Variants in BCR observed in about 807,000 individuals in gnomAD.
BCR encodes breakpoint cluster region protein.
A neutral mutation model predicts 138.6 loss-of-function variants in BCR; 58 were observed. The ratio of observed to expected loss-of-function variants is 0.42; its 90% confidence interval spans 0.34 to 0.52. The LOEUF is 0.52. Among genes scored for constraint, BCR ranks in the 20% least tolerant of loss-of-function variants. The pLI, the probability that BCR is intolerant of heterozygous loss-of-function variation, is 0.06. For missense variants in BCR, 1,599 were observed against 1,727.2 expected (o/e 0.93, Z 1.32); for synonymous variants, 786 against 730.1 (o/e 1.08, Z -1.23).
Position 23,295,056 on chromosome 22 carries a change from C to T in BCR, c.2913C>T (p.Thr971=), listed in dbSNP as rs1323745405. The T allele has an allele frequency of 4.3e-6, 7 of 1,614,000 alleles. No homozygotes were observed. The highest frequency in any genetic ancestry group is 5.9e-6 in the Non-Finnish European group (7 of 1,180,024). The change falls in exon 16 of 23, where the codon ACC becomes ACT. Residue 971 remains threonine (T), a synonymous_variant. Coordinates refer to ENST00000305877, the MANE Select transcript of BCR (RefSeq NM_004327.4). ...AGATAGAGCTGGAGGGCTCCCAGACCCTGAGGATACTGTGCTATGAAAAGT... is the reference window on the plus strand; with the variant it reads ...AGATAGAGCTGGAGGGCTCCCAGACTCTGAGGATACTGTGCTATGAAAAGT... The part of the protein sequence containing the change: ...EFEIELEGSQ[T]LRILCYEKCY...
chr22:23,314,258 C>T (rs1304302650), intron 21 of BCR, among the ~76,000 whole-genome samples, 185 bp downstream of exon 21: 1 of 152,190 alleles, frequency 6.6e-6, no homozygotes, highest in Non-Finnish European at 1.5e-5. Flanking sequence ...TGCCACCCTC[C>T]TCTCTCTGCA....
chr22:23,308,899 T>C (rs1183331721), intron 16 of BCR, among the ~76,000 whole-genome samples: 1 of 152,140 alleles, frequency 6.6e-6, no homozygotes. Context: ...CATCAGCTGC[T>C]TGATTTAGGG....
intron 2 of BCR, 69 bp downstream of exon 2, chr22:23,254,049 AG>A: frequency 1.3e-6 from 2 of 1,487,260 alleles, no homozygotes; most frequent in Non-Finnish European, 1.8e-6. Context: ...CCCCATGCTC[AG>A]GGGTATGTAG....
chr22:23,181,288 G>A lies in BCR; in HGVS notation c.328G>A (p.Ala110Thr). Reference sequence around the variant, plus strand: ...CGCCGACGGAGCCGACCCGCCGCCCGCCGAGGAGCCCGAGGCCCGGCCCGA... The same window carrying A: ...CGCCGACGGAGCCGACCCGCCGCCCACCGAGGAGCCCGAGGCCCGGCCCGA... ...APADGADPPP[A>T]EEPEARPDGE... The change falls in exon 1 of 23, where the codon GCC becomes ACC. Residue 110 changes from alanine to threonine, a missense_variant. Coordinates refer to ENST00000305877, the MANE Select transcript of BCR (RefSeq NM_004327.4). The A allele has an allele frequency of 2.3e-6, 3 of 1,306,378 alleles. No individual in the cohort carries two copies. The highest frequency in any genetic ancestry group is 2.4e-5 in the South Asian group (1 of 41,966). 80.9% of individuals were successfully genotyped at this position (1,306,378 alleles called of 1,614,324 possible).
At chr22:23,234,270 A>G (rs2072996695) in intron 1 of BCR, among the ~76,000 whole-genome samples, 1 of 152,138 alleles carries the variant, frequency 6.6e-6, no homozygotes. Flanking sequence ...TGTCACTCCC[A>G]AGTCCGAGGA....
At chr22:23,248,147 C>G (rs1362593393) in intron 1 of BCR, among the ~76,000 whole-genome samples, 2 of 152,040 alleles carry the variant, frequency 1.3e-5, no homozygotes, top group Non-Finnish European at 2.9e-5. Flanking sequence ...AGTTCCAGAC[C>G]AGCCTGGGCA....
chr22:23,193,476 T>G (rs997233865), intron 1 of BCR, among the ~76,000 whole-genome samples: 2 of 152,218 alleles, frequency 1.3e-5, no homozygotes, highest in Non-Finnish European at 2.9e-5. Flanking sequence ...GAACATCACT[T>G]AGCAAAAAAT....
chr22:23,256,935 A>G (rs2073301473), intron 2 of BCR, among the ~76,000 whole-genome samples: 3 of 152,024 alleles, frequency 2.0e-5, no homozygotes, highest in African/African-American at 7.3e-5. Context: ...GGGTCATGGT[A>G]GGAGGGCCTT....
chr22:23,285,055 A>G lies in BCR; in HGVS notation c.2260A>G (p.Lys754Glu), dbSNP rs2073695387. 1 of 1,613,934 alleles carries G rather than the reference A, an allele frequency of 6.2e-7. No homozygotes were observed. The highest frequency in any genetic ancestry group is 1.3e-5 in the African/African-American group (1 of 74,938). The change falls in exon 10 of 23, where the codon AAA becomes GAA. Residue 754 changes from lysine to glutamate, a missense_variant. By Grantham distance (56) the Lys-to-Glu change is moderately conservative. This residue lies in a region of BCR where 590 missense variants were observed against 762.4 expected (regional missense o/e 0.77). Transcript: ENST00000305877. ...SGGKTQQYDC[K>E]WYIPLTDLSF... Reference sequence around the variant, plus strand: ...CAGCAAAACGCAGCAGTATGACTGCAAATGGTACATTCCGCTCACGGATCT... The same window carrying G: ...CAGCAAAACGCAGCAGTATGACTGCGAATGGTACATTCCGCTCACGGATCT...
At chr22:23,198,143 G>C (rs1569241461) in intron 1 of BCR, 2 of 320,432 alleles carry the variant, frequency 6.2e-6, no homozygotes, top group Admixed American at 7.6e-5. Flanking sequence ...ATAAAGGACA[G>C]AAGCCAGGCT....
intron 2 of BCR, among the ~76,000 whole-genome samples, chr22:23,255,097 G>A (rs1372141235): frequency 1.3e-5 from 2 of 152,176 alleles, no homozygotes; most frequent in Non-Finnish European, 1.5e-5. Context: ...TTTCTGTAAG[G>A]AAGCTCCAGA....
rs776363054 is a variant in BCR, at chr22:23,273,702, A to G, written c.2043A>G (p.Ser681=). The change falls in exon 8 of 23, where the codon TCA becomes TCG. Residue 681 remains serine, a synonymous_variant. Transcript: ENST00000305877. ...HPLLQDALRI[S]QNFLSSINEE... is the part of the protein sequence containing the mutation. ...TGCTGCAGGACGCCCTCCGCATCTC[A>G]CAGAACTTCCTGTCCAGCATCAATG... 1 of 1,613,758 alleles carries G rather than the reference A, an allele frequency of 6.2e-7. No individual in the cohort carries two copies. Among genetic ancestry groups the G allele is most frequent in the Non-Finnish European group, 8.5e-7 (1 of 1,179,784 alleles).
Position 23,195,439 on chromosome 22 carries a change from A to T in BCR, c.1279+13200A>T, listed in dbSNP as rs866770740. ...CCGTCTCAAAAAAAAAAAAAAAAAA[A>T]ATATCAGCTGGGCATGTTGGTGCAC... On this transcript the variant is annotated intron_variant, in intron 1 of 22. Coordinates refer to ENST00000305877, the MANE Select transcript of BCR (RefSeq NM_004327.4). Among the ~76,000 whole-genome samples the T allele has an allele frequency of 2.7e-3, 410 of 151,086 alleles. 3 individuals carry two copies. The highest frequency in any genetic ancestry group is 9.6e-3 in the African/African-American group (394 of 40,914).
intron 1 of BCR, among the ~76,000 whole-genome samples, chr22:23,184,942 C>A (rs539980856): frequency 1.3e-5 from 2 of 152,242 alleles, no homozygotes; most frequent in Admixed American, 1.3e-4. Flanking sequence ...GAGGAAGTCA[C>A]CCTAATGCTC....
At position 23,182,170 on chromosome 22, in the gene BCR, A is replaced by G; in HGVS notation, c.1210A>G (p.Ile404Val). Residue 404 changes from isoleucine (I) to valine (V), a missense_variant, in exon 1 of 23, where the codon ATC becomes GTC. Physicochemically the swap from Ile to Val is conservative, Grantham distance 29 (BLOSUM62 3). This residue lies in a region of BCR where 806 missense variants were observed against 635.0 expected (regional missense o/e 1.27). Coordinates refer to ENST00000305877, the MANE Select transcript of BCR (RefSeq NM_004327.4). ...HCPVVVSEATIVGVRKTGQIW... is the reference protein window; with the variant it reads ...HCPVVVSEATVVGVRKTGQIW... The stretch of plus-strand genomic sequence containing the variant: ...CCCGGTTGTCGTGTCCGAGGCCACC[A>G]TCGTGGGCGTCCGCAAGACCGGGCA... 6.2e-7 allele frequency: 1 copy of G among 1,605,498 alleles called. No homozygotes were observed. The highest frequency in any genetic ancestry group is 8.5e-7 in the Non-Finnish European group (1 of 1,179,142).
intron 13 of BCR, chr22:23,290,006 G>A (rs1057229833): frequency 2.0e-6 from 1 of 506,228 alleles, no homozygotes; most frequent in Non-Finnish European, 3.6e-6. Context: ...TTGCACATAT[G>A]CTCAGTCACA....
intron 1 of BCR, among the ~76,000 whole-genome samples, chr22:23,204,466 A>G (rs752295587): frequency 3.7e-4 from 54 of 145,926 alleles, no homozygotes; most frequent in Non-Finnish European, 1.6e-4. Context: ...TAGTTTTGTG[A>G]TTCTAAATAA....
intron 1 of BCR, among the ~76,000 whole-genome samples, chr22:23,243,410 T>A (rs556137429): frequency 1.3e-3 from 202 of 152,258 alleles, no homozygotes; most frequent in African/African-American, 4.7e-3. Flanking sequence ...GATTTAGTCT[T>A]GCCTACCTAG....
chr22:23,192,381 G>A (rs778517935), intron 1 of BCR, among the ~76,000 whole-genome samples: 2 of 152,206 alleles, frequency 1.3e-5, no homozygotes, highest in African/African-American at 4.8e-5. Flanking sequence ...AGGAGACCTG[G>A]ATCATTTGCT....
Sources: gnomAD v4.1 joint callset for allele counts (sites outside exome capture counted in the v4.1 genomes callset) on GRCh38, gnomAD v4.1.1 for gene constraint, gnomAD v4.1.1 regional missense constraint, MANE v1.5 for transcripts, NCBI Gene and HGNC (gene_info 2026-07-23, HGNC 2026-07-21) for gene names.